The following SGMS1 variants were observed in gnomAD, a reference collection of about 807,000 sequenced individuals.
The protein encoded by SGMS1 is sphingomyelin synthase 1, also known as phosphatidylcholine:ceramide cholinephosphotransferase 1.
A neutral mutation model predicts 46.2 loss-of-function variants in SGMS1; 13 were observed. That is an observed-to-expected ratio of 0.28 (90% CI 0.18 to 0.45). The LOEUF is 0.45. Among genes scored for constraint, SGMS1 ranks in the 20% least tolerant of loss-of-function variants. The pLI, the probability that SGMS1 is intolerant of heterozygous loss-of-function variation, is 1.00. For missense variants in SGMS1, 324 were observed against 519.9 expected (o/e 0.62, Z 3.66); for synonymous variants, 203 against 187.8 (o/e 1.08, Z -0.66).
chr10:50,487,796 T>C (rs1837534060), intron 3 of SGMS1, among the ~76,000 whole-genome samples: 1 of 152,128 alleles, frequency 6.6e-6, no homozygotes, highest in African/African-American at 2.4e-5. Context: ...TGAGGTGTTT[T>C]TTCCTTATAA....
chr10:50,336,026 GACC>G (rs1393670865), intron 7 of SGMS1: 1 of 152,198 alleles, frequency 6.6e-6, no homozygotes, highest in African/African-American at 2.4e-5. Flanking sequence ...AAGCAAAGAA[GACC>G]ACCAGTTCAC....
intron 8 of SGMS1, among the ~76,000 whole-genome samples, chr10:50,323,755 C>T (rs983756574): frequency 1.6e-4 from 24 of 152,178 alleles, no homozygotes; most frequent in African/African-American, 5.6e-4. Context: ...TCCCTATTCT[C>T]ATTCCCTGCA....
At chr10:50,517,729 C>A (rs562176327) in intron 3 of SGMS1, among the ~76,000 whole-genome samples, 1 of 151,978 alleles carries the variant, frequency 6.6e-6, no homozygotes, top group Non-Finnish European at 1.5e-5. Flanking sequence ...TAAATAGACA[C>A]ATTGTAATGA....
chr10:50,391,455 C>G (rs956790436), intron 6 of SGMS1, among the ~76,000 whole-genome samples: 1 of 152,128 alleles, frequency 6.6e-6, no homozygotes, highest in Admixed American at 6.5e-5. Context: ...AAATGCAAAT[C>G]AAAGCCACAA....
At chr10:50,335,555 T>C (rs1242151097) in intron 7 of SGMS1, 3 of 152,236 alleles carry the variant, frequency 2.0e-5, no homozygotes, top group Non-Finnish European at 2.9e-5. Flanking sequence ...AAGAATGATC[T>C]TCCAGTGTAA....
chr10:50,318,830 A>G (rs555336682), intron 8 of SGMS1, among the ~76,000 whole-genome samples: 1 of 152,286 alleles, frequency 6.6e-6, no homozygotes, highest in South Asian at 2.1e-4. Flanking sequence ...TGTACTCATC[A>G]ATTCCTATAC....
At chr10:50,618,844 C>T (rs563872742) in intron 1 of SGMS1, among the ~76,000 whole-genome samples, 2 of 152,288 alleles carry the variant, frequency 1.3e-5, no homozygotes, top group South Asian at 4.2e-4. Flanking sequence ...CCTGGGCATG[C>T]TGAAACACAG....
intron 3 of SGMS1, among the ~76,000 whole-genome samples, chr10:50,500,821 G>A (rs543814572): frequency 1.3e-5 from 2 of 152,204 alleles, no homozygotes; most frequent in South Asian, 4.2e-4. Flanking sequence ...CTTGATAATG[G>A]CATTAGTTTA....
chr10:50,411,079 G>A (rs1273729549), intron 6 of SGMS1, among the ~76,000 whole-genome samples: 1 of 152,100 alleles, frequency 6.6e-6, no homozygotes, highest in African/African-American at 2.4e-5. Flanking sequence ...ATTACCTGAG[G>A]GCCCTCATGT....
intron 2 of SGMS1, among the ~76,000 whole-genome samples, chr10:50,554,835 A>G (rs1439966023): frequency 6.6e-6 from 1 of 152,226 alleles, no homozygotes; most frequent in East Asian, 1.9e-4. Flanking sequence ...AATGTTCTAC[A>G]AGTTGCTTTT....
At chr10:50,580,368 T>C (rs1838421698) in intron 2 of SGMS1, among the ~76,000 whole-genome samples, 1 of 151,914 alleles carries the variant, frequency 6.6e-6, no homozygotes, top group Non-Finnish European at 1.5e-5. Context: ...TCTGACAACT[T>C]ACAAATTACT....
chr10:50,624,959 C>T, upstream of SGMS1: 1 of 1,028,766 alleles, frequency 9.7e-7, no homozygotes, highest in South Asian at 2.8e-5. Flanking sequence ...CCATCTTCCG[C>T]CCGGCCATCG....
At chr10:50,559,606 T>C (rs753122158) in intron 2 of SGMS1, among the ~76,000 whole-genome samples, 28 of 152,190 alleles carry the variant, frequency 1.8e-4, no homozygotes, top group Non-Finnish European at 3.2e-4. Context: ...TACAAACTGT[T>C]ACCCTATCAT....
intron 6 of SGMS1, among the ~76,000 whole-genome samples, chr10:50,374,576 C>G (rs1177156935): frequency 1.3e-5 from 2 of 152,076 alleles, no homozygotes; most frequent in African/African-American, 4.8e-5. Context: ...TGCTCAAAAC[C>G]CTTTGTGCTG....
intron 3 of SGMS1, among the ~76,000 whole-genome samples, chr10:50,514,129 C>T (rs779049221): frequency 9.2e-5 from 14 of 152,170 alleles, no homozygotes; most frequent in Non-Finnish European, 1.8e-4. Flanking sequence ...ATGGCAATTA[C>T]GCCTGTGCCA....
At chr10:50,581,182 G>T in intron 2 of SGMS1, among the ~76,000 whole-genome samples, 1 of 152,190 alleles carries the variant, frequency 6.6e-6, no homozygotes, top group South Asian at 2.1e-4. Context: ...TGTAAGGAGC[G>T]GGGAGTTATG....
rs576558210 is a variant in SGMS1 at position 50,494,087 on chromosome 10, G to C, written c.-498+25744C>G. Reference sequence around the variant, plus strand: ...GCTGGGATTACAGGCATGAGCGCCTGGCACCTGGCCAGAATGGCTATTATT... The same window carrying C: ...GCTGGGATTACAGGCATGAGCGCCTCGCACCTGGCCAGAATGGCTATTATT... On this transcript the variant is annotated intron_variant, in intron 3 of 10. Transcript: ENST00000361781. Among the ~76,000 whole-genome samples, 14 of 152,302 alleles carry C rather than the reference G, an allele frequency of 9.2e-5. 1 individual carries two copies. The South Asian group carries it at 2.7e-3, about 29-fold the overall frequency.
At chr10:50,342,122 T>C (rs1324440161) in intron 7 of SGMS1, 1 of 152,220 alleles carries the variant, frequency 6.6e-6, no homozygotes, top group Admixed American at 6.5e-5. Flanking sequence ...CTTTGTACAG[T>C]ACTGGTATTT....
intron 7 of SGMS1, among the ~76,000 whole-genome samples, chr10:50,330,357 C>T (rs11005215): frequency 0.17 from 25,977 of 151,970 alleles, 2,377 homozygotes; most frequent in East Asian, 0.27. Context: ...TGGTGGCATG[C>T]GCCTGTAGTT....
Sources: allele counts gnomAD v4.1 joint callset (sites outside exome capture counted in the v4.1 genomes callset), GRCh38; gene constraint gnomAD v4.1.1; transcripts MANE v1.5; gene names NCBI Gene and HGNC (gene_info 2026-07-23, HGNC 2026-07-21).